The following PRRG1 variants were observed in gnomAD, a reference collection of about 807,000 sequenced individuals.
The protein encoded by PRRG1 is transmembrane gamma-carboxyglutamic acid protein 1.
A neutral mutation model predicts 11.8 loss-of-function variants in PRRG1; 5 were observed. The ratio of observed to expected loss-of-function variants is 0.42; its 90% CI spans 0.22 to 0.89. PRRG1 has a LOEUF of 0.89. PRRG1 is among the 40% of genes least tolerant of loss of function. PRRG1 has a pLI of 0.28. For missense variants in PRRG1, 155 were observed against 166.1 expected (o/e 0.93, Z 0.37); for synonymous variants, 66 against 60.4 (o/e 1.09, Z -0.43).
chrX:37,422,499 AC>A (rs1932689586), intron 2 of PRRG1, among the ~76,000 whole-genome samples: 1 of 111,884 alleles, frequency 8.9e-6, no homozygotes, highest in South Asian at 3.8e-4. Flanking sequence ...CCCACGGGAA[AC>A]CATTTACTGT....
chrX:37,378,692 A>G (rs1284141585), intron 1 of PRRG1, among the ~76,000 whole-genome samples: 1 of 111,616 alleles, frequency 9.0e-6, no homozygotes, highest in Non-Finnish European at 1.9e-5. Flanking sequence ...ATTTTTAATG[A>G]TAACAAATGA....
At chrX:37,392,041 A>G (rs144505384) in intron 1 of PRRG1, among the ~76,000 whole-genome samples, 1,239 of 110,129 alleles carry the variant, frequency 0.011, 7 homozygotes, top group Non-Finnish European at 0.018. Flanking sequence ...TTCATTGTAT[A>G]CACCAGGGAT....
intron 1 of PRRG1, among the ~76,000 whole-genome samples, chrX:37,369,363 AT>A (rs527419405): frequency 3.1e-4 from 34 of 110,831 alleles, no homozygotes; most frequent in African/African-American, 6.9e-4. Context: ...TCAGTCCTCC[AT>A]TTTTTTTAAT....
intron 1 of PRRG1, among the ~76,000 whole-genome samples, chrX:37,356,280 T>C (rs1176234755): frequency 9.0e-6 from 1 of 111,478 alleles, no homozygotes; most frequent in Admixed American, 9.5e-5. Flanking sequence ...TATTCATCTA[T>C]AGGTGAATAG....
At chrX:37,352,378 A>C (rs1417256246) in intron 1 of PRRG1, among the ~76,000 whole-genome samples, 1 of 111,871 alleles carries the variant, frequency 8.9e-6, no homozygotes, top group Non-Finnish European at 1.9e-5. Context: ...TTCCTAAAAC[A>C]CTTCAAGTTA....
At chrX:37,405,684 T>C (rs1233540291) in intron 1 of PRRG1, among the ~76,000 whole-genome samples, 3 of 111,640 alleles carry the variant, frequency 2.7e-5, no homozygotes, top group Non-Finnish European at 5.6e-5. Context: ...TACTGTTTAT[T>C]GGAAATAACT....
At chrX:37,371,783 G>A (rs181150336) in intron 1 of PRRG1, among the ~76,000 whole-genome samples, 1 of 113,278 alleles carries the variant, frequency 8.8e-6, no homozygotes, top group African/African-American at 3.2e-5. Flanking sequence ...TATGCACAGA[G>A]GCTGGACCCT....
chrX:37,426,248 C>G (rs781804499), intron 3 of PRRG1, among the ~76,000 whole-genome samples: 9 of 111,037 alleles, frequency 8.1e-5, no homozygotes, highest in Non-Finnish European at 1.1e-4. Flanking sequence ...ATCATCTTGG[C>G]GAGTAGGAAG....
At chrX:37,438,825 C>G (rs1932925286) in intron 3 of PRRG1, among the ~76,000 whole-genome samples, 1 of 111,837 alleles carries the variant, frequency 8.9e-6, no homozygotes. Flanking sequence ...ACCACCACTG[C>G]TACTCACTTC....
intron 1 of PRRG1, among the ~76,000 whole-genome samples, chrX:37,391,435 A>T (rs1229346953): frequency 1.8e-5 from 2 of 112,025 alleles, no homozygotes; most frequent in Non-Finnish European, 1.9e-5. Flanking sequence ...TAACATCTTA[A>T]AATGTCATTC....
intron 3 of PRRG1, among the ~76,000 whole-genome samples, chrX:37,437,936 ATT>A (rs72218316): frequency 0.037 from 3,914 of 107,193 alleles, 171 homozygotes; most frequent in African/African-American, 0.12. Context: ...AGAAAATACC[ATT>A]TTTTTTTTCT....
chrX:37,431,763 T>G (rs782008711), intron 3 of PRRG1, among the ~76,000 whole-genome samples: 11 of 111,545 alleles, frequency 9.9e-5, no homozygotes, highest in Admixed American at 1.9e-4. Context: ...ACAATGTTTT[T>G]TTGTTGTTGT....
rs6651826 is a variant in PRRG1 at position 37,379,018 on chromosome X, C to A, written c.-41-27191C>A. ...GAAGAATGGGAAGTATATTGAATTG[C>A]GACATCTTTTTGCTTTTTTTTTTTT... On this transcript the variant is annotated intron_variant, in intron 1 of 3. Transcript: ENST00000378628. Among the ~76,000 whole-genome samples, 607 of 90,890 alleles carry A rather than the reference C, an allele frequency of 6.7e-3. 1 individual carries two copies. The highest frequency in any genetic ancestry group is 0.025 in the African/African-American group (583 of 23,782). The allele number at this position is 90,890 out of a possible 115,157, so 78.9% of individuals were successfully genotyped here.
chrX:37,441,761 G>A, intron 3 of PRRG1: 6 of 786,372 alleles, frequency 7.6e-6, no homozygotes, highest in Non-Finnish European at 9.2e-6. Context: ...CACAGTGGCT[G>A]CATCTGCTTT....
chrX:37,382,302 A>G (rs1324525702), intron 1 of PRRG1, among the ~76,000 whole-genome samples: 1 of 111,391 alleles, frequency 9.0e-6, no homozygotes, highest in East Asian at 2.8e-4. Flanking sequence ...TACCAGTAGT[A>G]TGCACGTGCT....
At chrX:37,409,798 G>A (rs896562644) in intron 2 of PRRG1, among the ~76,000 whole-genome samples, 8 of 111,755 alleles carry the variant, frequency 7.2e-5, no homozygotes, top group Non-Finnish European at 9.4e-5. Flanking sequence ...GGACACAGAG[G>A]AAAAATATTG....
chrX:37,372,850 A>G (rs1223846085), intron 1 of PRRG1, among the ~76,000 whole-genome samples: 9 of 112,515 alleles, frequency 8.0e-5, no homozygotes, highest in African/African-American at 2.6e-4. Flanking sequence ...TTTTGGTATC[A>G]TATTCAAAAA....
At chrX:37,410,917 T>A (rs1006404440) in intron 2 of PRRG1, among the ~76,000 whole-genome samples, 2 of 112,492 alleles carry the variant, frequency 1.8e-5, no homozygotes, top group Middle Eastern at 9.2e-3. Flanking sequence ...CAAGATGAGA[T>A]ACTGGTTCAA....
Position 37,453,620 on chromosome X carries a change from G to A in PRRG1, c.656G>A (p.Ter219=). ...GTGCCTGTGGTCACCACCATCAAAT[G>A]AAGCTGCAAACTTCTTTTTACTCTA... ...PMVPVVTTIK[*] is the part of the protein sequence containing the mutation. The change falls in exon 4 of 4, where the codon TGA becomes TAA. Residue 219 remains the stop codon, a stop_retained_variant. Coordinates refer to ENST00000378628, the MANE Select transcript of PRRG1 (RefSeq NM_001142395.2). 4.3e-6 allele frequency: 5 copies of A among 1,155,707 alleles called. No individual in the cohort carries two copies. The highest frequency in any genetic ancestry group is 5.8e-6 in the Non-Finnish European group (5 of 869,125).
Sources: gnomAD v4.1 joint callset for allele counts (sites outside exome capture counted in the v4.1 genomes callset) on GRCh38, gnomAD v4.1.1 for gene constraint, MANE v1.5 for transcripts, NCBI Gene and HGNC (gene_info 2026-07-23, HGNC 2026-07-21) for gene names.